Variants in ATAD2B observed in about 807,000 individuals in gnomAD.
The protein encoded by ATAD2B is ATPase family AAA domain-containing protein 2B.
ATAD2B carries 40 observed loss-of-function variants against 167.6 expected under a neutral mutation model. The ratio of observed to expected loss-of-function variants is 0.24; its 90% confidence interval spans 0.19 to 0.31. The LOEUF is 0.31. Among genes scored for constraint, ATAD2B ranks in the 10% least tolerant of loss-of-function variants. ATAD2B has a pLI of 1.00. For missense variants in ATAD2B, 1,242 were observed against 1,757.2 expected (o/e 0.71, Z 5.24); for synonymous variants, 579 against 596.5 (o/e 0.97, Z 0.43).
chr2:23,881,998 C>T (rs1430339899), intron 6 of ATAD2B, among the ~76,000 whole-genome samples: 2 of 151,728 alleles, frequency 1.3e-5, no homozygotes, highest in African/African-American at 4.8e-5. Flanking sequence ...GCTGGGATTA[C>T]AGGCGTGAGC....
chr2:23,883,634 A>T (rs1698278380), intron 6 of ATAD2B: 1 of 1,289,982 alleles, frequency 7.8e-7, no homozygotes, highest in African/African-American at 1.5e-5. Flanking sequence ...TAGAGGTTCT[A>T]GCTGTAACAA....
intron 17 of ATAD2B, among the ~76,000 whole-genome samples, chr2:23,817,480 CACT>C (rs1558589159): frequency 6.6e-6 from 1 of 152,196 alleles, no homozygotes; most frequent in Non-Finnish European, 1.5e-5. Flanking sequence ...CAGCAAATAT[CACT>C]ACTTCTCCTG....
At chr2:23,737,504 A>G in the ATAD2B span, among the ~76,000 whole-genome samples, 2 of 152,218 alleles carry the variant, frequency 1.3e-5, no homozygotes, top group Non-Finnish European at 2.9e-5. Context: ...TTAGAAGGAA[A>G]ACTAACAAAC....
At chr2:23,896,494 G>GA (rs547327513) in intron 1 of ATAD2B, among the ~76,000 whole-genome samples, 340 of 152,032 alleles carry the variant, frequency 2.2e-3, no homozygotes, top group African/African-American at 7.9e-3. Flanking sequence ...TTTTTATTTT[G>GA]AAAAATGTTC....
chr2:23,926,938 G>A lies in ATAD2B; in HGVS notation c.-168C>T, dbSNP rs1215827762. Reference sequence around the variant, plus strand: ...ACAAGAGAGAGCCGGGCAGAGGAAGGGAAGTCGGCGTGAGCAGGCGGCGTG... The same window carrying A: ...ACAAGAGAGAGCCGGGCAGAGGAAGAGAAGTCGGCGTGAGCAGGCGGCGTG... On this transcript the variant is annotated 5_prime_UTR_variant, in exon 1 of 28. Transcript: ENST00000238789. 3 of 803,054 alleles carry A rather than the reference G, an allele frequency of 3.7e-6. No individual in the cohort carries two copies. Among genetic ancestry groups the A allele is most frequent in the Non-Finnish European group, 3.6e-6 (2 of 549,680 alleles). The allele number at this position is 803,054 out of a possible 1,614,324, so 49.7% of individuals were successfully genotyped here.
At chr2:23,897,396 C>T (rs1203557783) in intron 1 of ATAD2B, among the ~76,000 whole-genome samples, 1 of 152,076 alleles carries the variant, frequency 6.6e-6, no homozygotes, top group Admixed American at 6.6e-5. Flanking sequence ...TGATAATTCA[C>T]CAATATCCTG....
chr2:23,883,656 G>A (rs1442094539), intron 6 of ATAD2B: 1 of 1,251,130 alleles, frequency 8.0e-7, no homozygotes, highest in Non-Finnish European at 1.1e-6. Flanking sequence ...AATAATATTT[G>A]CTCAATAAAG....
intron 19 of ATAD2B, among the ~76,000 whole-genome samples, chr2:23,789,611 G>GA (rs1376020348): frequency 1.3e-5 from 2 of 152,108 alleles, no homozygotes; most frequent in Non-Finnish European, 2.9e-5. Context: ...ATGACACTGT[G>GA]AAAATATGGA....
chr2:23,804,534 C>T (rs1286339166), intron 18 of ATAD2B, among the ~76,000 whole-genome samples: 3 of 151,970 alleles, frequency 2.0e-5, no homozygotes, highest in African/African-American at 7.3e-5. Flanking sequence ...CATTGTTTTT[C>T]ACTACCAAGT....
chr2:23,872,925 C>T lies in ATAD2B; in HGVS notation c.977+2904G>A, dbSNP rs1696228823. ...TCATCTCCTTATGGCCCGCCGGGCT[C>T]ACATTGGCATTGTACCAGTCGCTGA... On this transcript the variant is annotated intron_variant, in intron 8 of 27. Transcript: ENST00000238789. 10 of 766,822 alleles carry T rather than the reference C, an allele frequency of 1.3e-5. No individual in the cohort carries two copies. In the East Asian group the frequency reaches 2.2e-4, roughly 17 times the overall value. The allele number at this position is 766,822 out of a possible 1,614,324, so 47.5% of individuals were successfully genotyped here.
chr2:23,735,220 C>G, the ATAD2B span, among the ~76,000 whole-genome samples: 1 of 152,332 alleles, frequency 6.6e-6, no homozygotes, highest in South Asian at 2.1e-4. Context: ...CTGGTCTACT[C>G]AGTTTTCCAA....
chr2:23,786,215 C>T lies in ATAD2B; in HGVS notation c.2785G>A (p.Ala929Thr), dbSNP rs766295549. 43 of 1,574,034 alleles carry T rather than the reference C, an allele frequency of 2.7e-5. No individual in the cohort carries two copies. Among genetic ancestry groups the T allele is most frequent in the Non-Finnish European group, 3.7e-5 (43 of 1,159,186 alleles). The change falls in exon 21 of 28, where the codon GCT (alanine) becomes ACT (threonine). Residue 929 changes from alanine (A) to threonine (T), a missense_variant. By Grantham distance (58) the Ala-to-Thr change is moderately conservative (BLOSUM62 0). Around this residue, in one of 9 missense-constraint regions of ATAD2B, gnomAD observed 204 missense variants for 324.0 expected, o/e 0.63. Coordinates refer to ENST00000238789, the MANE Select transcript of ATAD2B (RefSeq NM_017552.4). ...AGTGCAAGAGGAAGCACTTCCATAGCACAAAGAGCTAGAGAAAACAGAAGA... is the reference window on the plus strand; with the variant it reads ...AGTGCAAGAGGAAGCACTTCCATAGTACAAAGAGCTAGAGAAAACAGAAGA... ...PPRRKHAALC[A>T]MEVLPLALPS...
chr2:23,691,634 G>T, the ATAD2B span: 2 of 1,524,008 alleles, frequency 1.3e-6, no homozygotes, highest in Non-Finnish European at 1.8e-6. Context: ...CACGGTGGCC[G>T]CAGGGCAGGA....
intron 14 of ATAD2B, 110 bp from the exon 15 acceptor site, chr2:23,829,049 C>T: frequency 1.5e-6 from 1 of 671,152 alleles, no homozygotes; most frequent in Non-Finnish European, 2.5e-6. Context: ...ACTAACAATC[C>T]CATTAAAATT....
chr2:23,834,416 C>A (rs892666473), intron 13 of ATAD2B, among the ~76,000 whole-genome samples: 1 of 151,944 alleles, frequency 6.6e-6, no homozygotes, highest in Non-Finnish European at 1.5e-5. Flanking sequence ...CCTGCCTCGG[C>A]CTCGCAAAGT....
the ATAD2B span, chr2:23,708,128 A>G: frequency 6.6e-6 from 1 of 152,266 alleles, no homozygotes; most frequent in Non-Finnish European, 1.5e-5. Context: ...CACGCTTTCC[A>G]TCGTTCAGTA....
intron 22 of ATAD2B, among the ~76,000 whole-genome samples, chr2:23,769,913 A>C (rs1572680355): frequency 6.6e-6 from 1 of 150,430 alleles, no homozygotes; most frequent in East Asian, 2.0e-4. Flanking sequence ...CCAACTCCTG[A>C]CCTCAGGTGA....
chr2:23,819,023 A>C (rs1260730929), intron 17 of ATAD2B, among the ~76,000 whole-genome samples: 1 of 152,228 alleles, frequency 6.6e-6, no homozygotes, highest in Non-Finnish European at 1.5e-5. Context: ...AGCCTTAGAG[A>C]CCTAAATGAT....
chr2:23,813,660 A>G (rs1685984015), intron 17 of ATAD2B, among the ~76,000 whole-genome samples: 1 of 151,870 alleles, frequency 6.6e-6, no homozygotes, highest in Non-Finnish European at 1.5e-5. Flanking sequence ...TAGGAGGATC[A>G]CATGTGTCCA....
Sources: gnomAD v4.1 joint callset for allele counts (sites outside exome capture counted in the v4.1 genomes callset) on GRCh38, gnomAD v4.1.1 for gene constraint, gnomAD v4.1.1 regional missense constraint, MANE v1.5 for transcripts, NCBI Gene and HGNC (gene_info 2026-07-23, HGNC 2026-07-21) for gene names.